The following AKR7A2 variants were observed in gnomAD, a reference collection of about 807,000 sequenced individuals.
The protein encoded by AKR7A2 is aflatoxin B1 aldehyde reductase member 2.
A neutral mutation model predicts 37.3 loss-of-function variants in AKR7A2; 29 were observed. The observed-to-expected ratio is 0.78, with a 90% CI of 0.58 to 1.06. The LOEUF is 1.06. Among genes scored for constraint, AKR7A2 ranks in the 50% least tolerant of loss-of-function variants. The pLI, the probability that AKR7A2 is intolerant of heterozygous loss-of-function variation, is 0.00. For missense variants in AKR7A2, 529 were observed against 497.9 expected, an observed-to-expected ratio of 1.06 and a Z score of -0.59; for synonymous variants, 228 against 217.8, an observed-to-expected ratio of 1.05 and a Z score of -0.41.
chr1:19,306,247 C>T, intron 5 of AKR7A2, 100 bp from the exon 6 acceptor site: 1 of 1,546,698 alleles, frequency 6.5e-7, no homozygotes, highest in Non-Finnish European at 8.9e-7. Context: ...ACCCCACACC[C>T]TGCAGCCCTG....
rs555329794 is a variant in AKR7A2, at chr1:19,304,362, G to C, written c.943C>G (p.Leu315Val). Residue 315 changes from leucine (L) to valine (V), a missense_variant, in exon 7 of 7, where the codon CTG (leucine) becomes GTG (valine). Coordinates refer to ENST00000235835, the MANE Select transcript of AKR7A2 (RefSeq NM_003689.4). ...AGCTGCTCCAGGCTGGACATGCCCA[G>C]GATGACCGCGTCCCCGTGGGCACCC... ...LQGAHGDAVI[L>V]GMSSLEQLEQ... 9.9e-6 allele frequency: 16 copies of C among 1,614,118 alleles called. No individual in the cohort carries two copies. The South Asian group carries it at 1.8e-4, about 18-fold the overall frequency.
At chr1:19,306,930 C>T (rs529708119) in intron 5 of AKR7A2, 72 bp downstream of exon 5, 29 of 1,351,756 alleles carry the variant, frequency 2.1e-5, no homozygotes, top group Non-Finnish European at 3.0e-5. Flanking sequence ...ACCTCAGGAA[C>T]AGCCCAGGAC....
intron 6 of AKR7A2, 120 bp from the exon 7 acceptor site, chr1:19,304,506 T>C (rs1569684522): frequency 1.3e-6 from 2 of 1,567,556 alleles, no homozygotes; most frequent in Admixed American, 1.7e-5. Flanking sequence ...ATCTTGTATG[T>C]CCAGAAAGGA....
At chr1:19,303,143 A>T (rs966001813), downstream of AKR7A2, among the ~76,000 whole-genome samples, 2 of 152,212 alleles carry the variant, frequency 1.3e-5, no homozygotes, top group South Asian at 4.1e-4. Context: ...CAAAAAAAAT[A>T]AAAATAAAAA....
At position 19,308,609 on chromosome 1, in the gene AKR7A2, C is replaced by T. The variant is rs1233974966; in HGVS notation, c.332G>A (p.Gly111Glu). 6.2e-7 allele frequency: 1 copy of T among 1,614,072 alleles called. No individual in the cohort carries two copies. The highest frequency in any genetic ancestry group is 8.5e-7 in the Non-Finnish European group (1 of 1,180,046). ...GACACTGTCAGGCTTTAGTGATTTTCCATCCCAAGGGTTGGCCTTGGTGGC... is the reference window on the plus strand; with the variant it reads ...GACACTGTCAGGCTTTAGTGATTTTTCATCCCAAGGGTTGGCCTTGGTGGC... ...KIATKANPWD[G>E]KSLKPDSVRS... Residue 111 changes from glycine (G) to glutamate (E), a missense_variant, in exon 2 of 7, where the codon GGA (glycine) becomes GAA (glutamate). Gly to Glu is a moderately conservative substitution (Grantham distance 98). Coordinates refer to ENST00000235835, the MANE Select transcript of AKR7A2 (RefSeq NM_003689.4).
chr1:19,308,152 C>T lies in AKR7A2; in HGVS notation c.591+6G>A, dbSNP rs2093765306. 1 of 1,614,002 alleles carries T rather than the reference C, an allele frequency of 6.2e-7. No individual in the cohort carries two copies. The highest frequency in any genetic ancestry group is 1.7e-5 in the Admixed American group (1 of 60,018). On this transcript the variant is annotated splice_donor_region_variant and intron_variant, in intron 3 of 6. Transcript: ENST00000235835. ...AGACCTTGGCCTCTGCAGCCCCGGC[C>T]CTCACCTGGTACACAGTGGGCAGGA...
At chr1:19,307,486 T>G in intron 3 of AKR7A2, 76 bp from the exon 4 acceptor site, 3 of 1,470,828 alleles carry the variant, frequency 2.0e-6, no homozygotes, top group East Asian at 4.7e-5. Flanking sequence ...TTCAAACCTC[T>G]AAAGCAACAC....
At chr1:19,311,574 C>A (rs937576196) in intron 1 of AKR7A2, among the ~76,000 whole-genome samples, 11 of 150,902 alleles carry the variant, frequency 7.3e-5, no homozygotes, top group Admixed American at 2.6e-4. Context: ...AGGTGGGAAG[C>A]GATGGGTCAG....
chr1:19,304,932 C>G (rs2093758503), intron 6 of AKR7A2: 1 of 160,168 alleles, frequency 6.2e-6, no homozygotes, highest in South Asian at 1.7e-4. Flanking sequence ...GAGTGAGACT[C>G]TGTCTCAAAA....
At position 19,307,293 on chromosome 1, in the gene AKR7A2, G is replaced by A. The variant is rs994516635; in HGVS notation, c.688+21C>T. 9 of 1,612,446 alleles carry A rather than the reference G, an allele frequency of 5.6e-6. No individual in the cohort carries two copies. In the African/African-American group the frequency reaches 9.4e-5, roughly 17 times the overall value. ...GTGGGTCAGGAATAGGCTGAGACAG[G>A]GTCAGGAATGCTCCACGTACCAGCC... On this transcript the variant is annotated intron_variant, in intron 4 of 6. Coordinates refer to ENST00000235835, the MANE Select transcript of AKR7A2 (RefSeq NM_003689.4).
rs2093756727 is a variant in AKR7A2 at position 19,304,078 on chromosome 1, G to A, written c.*147C>T. 2.3e-6 allele frequency: 3 copies of A among 1,330,526 alleles called. No individual in the cohort carries two copies. The highest frequency in any genetic ancestry group is 3.2e-6 in the Non-Finnish European group (3 of 942,972). The allele number at this position is 1,330,526 out of a possible 1,614,324, so 82.4% of individuals were successfully genotyped here. Reference sequence around the variant, plus strand: ...ACCTTTCACAGTGTAAAGTGAATAGGGAGCAAGGCAGGAAGCTAGAAAAAT... The same window carrying A: ...ACCTTTCACAGTGTAAAGTGAATAGAGAGCAAGGCAGGAAGCTAGAAAAAT... On this transcript the variant is annotated 3_prime_UTR_variant, in exon 7 of 7. Coordinates refer to ENST00000235835, the MANE Select transcript of AKR7A2 (RefSeq NM_003689.4).
At chr1:19,311,358 A>T (rs1394420396) in intron 1 of AKR7A2, among the ~76,000 whole-genome samples, 1 of 152,242 alleles carries the variant, frequency 6.6e-6, no homozygotes, top group East Asian at 1.9e-4. Flanking sequence ...GCCTTACGGC[A>T]TCGCCACAGT....
In AKR7A2 at chr1:19,307,029, T is replaced by C; in HGVS notation, c.761A>G (p.Asn254Ser). ...ATTCCTGTAGGTCTCAGCCCAGCTA[T>C]TCCCAAAGAAGCGGCCCACAGGCTG... ...GKQPVGRFFG[N>S]SWAETYRNRF... The change falls in exon 5 of 7, where the codon AAT (asparagine) becomes AGT (serine). Residue 254 changes from asparagine (N) to serine (S), a missense_variant. Coordinates refer to ENST00000235835, the MANE Select transcript of AKR7A2 (RefSeq NM_003689.4). The C allele has an allele frequency of 6.2e-7, 1 of 1,614,134 alleles. No individual in the cohort carries two copies. Among genetic ancestry groups the C allele is most frequent in the African/African-American group, 1.3e-5 (1 of 75,030 alleles).
downstream of AKR7A2, among the ~76,000 whole-genome samples, chr1:19,302,790 A>G (rs893338532): frequency 8.7e-5 from 13 of 150,220 alleles, no homozygotes; most frequent in Non-Finnish European, 7.4e-5. Context: ...TCCGGGGCCC[A>G]GGCGATCCTC....
intron 5 of AKR7A2, 72 bp downstream of exon 5, chr1:19,306,930 C>A: frequency 7.4e-7 from 1 of 1,351,756 alleles, no homozygotes; most frequent in South Asian, 1.2e-5. Flanking sequence ...ACCTCAGGAA[C>A]AGCCCAGGAC....
rs776281812 is a variant in AKR7A2 at position 19,304,219 on chromosome 1, A to G, written c.*6T>C. On this transcript the variant is annotated 3_prime_UTR_variant, in exon 7 of 7. Transcript: ENST00000235835. ...AAAGCCTTGGGCAGCCTGAGCCATG[A>G]TGGGCCTAGCGGAAGTAGTTGGGAC... 9 of 1,614,198 alleles carry G rather than the reference A, an allele frequency of 5.6e-6. No homozygotes were observed. In the South Asian group the frequency reaches 9.9e-5, roughly 18 times the overall value.
chr1:19,304,587 G>A (rs924627309), intron 6 of AKR7A2, among the ~76,000 whole-genome samples: 3 of 152,110 alleles, frequency 2.0e-5, no homozygotes, highest in Non-Finnish European at 4.4e-5. Flanking sequence ...GCCGCACGAC[G>A]CTTCCACACA....
intron 1 of AKR7A2, 87 bp from the exon 2 acceptor site, chr1:19,308,729 G>T: frequency 7.6e-7 from 1 of 1,315,848 alleles, no homozygotes. Flanking sequence ...TATTCTCTTG[G>T]CCTCAATTGT....
chr1:19,312,089 G>C lies in AKR7A2; in HGVS notation c.36C>G (p.Ala12=), dbSNP rs115704389. 1.5e-6 allele frequency: 2 copies of C among 1,338,370 alleles called. No homozygotes were observed. The highest frequency in any genetic ancestry group is 1.9e-6 in the Non-Finnish European group (2 of 1,053,894). The allele number at this position is 1,338,370 out of a possible 1,614,324, so 82.9% of individuals were successfully genotyped here. ...LSAASRVVSR[A]AVHCALRSPP... ...GAGAGCGAAGCGCGCAGTGGACGGC[G>C]GCGCGGGAGACTACGCGAGACGCGG... The change falls in exon 1 of 7, where the codon GCC becomes GCG. Residue 12 remains alanine (A), a synonymous_variant. Coordinates refer to ENST00000235835, the MANE Select transcript of AKR7A2 (RefSeq NM_003689.4).
Sources: gnomAD v4.1 joint callset for allele counts (sites outside exome capture counted in the v4.1 genomes callset) on GRCh38, gnomAD v4.1.1 for gene constraint, MANE v1.5 for transcripts, NCBI Gene and HGNC (gene_info 2026-07-23, HGNC 2026-07-21) for gene names.